Variants in TRDN observed in about 807,000 individuals in gnomAD.
TRDN encodes the protein triadin in skeletal muscle.
In TRDN, 161 loss-of-function variants were observed where a neutral mutation model predicts 149.7. That is an observed-to-expected ratio of 1.08 (90% CI 0.95 to 1.23). The LOEUF is 1.23. TRDN is among the 50% of genes most tolerant of loss of function. The pLI is 0.00. For synonymous variants in TRDN, 294 were observed against 250.5 expected, an observed-to-expected ratio of 1.17 and a Z score of -1.64; for missense variants, 896 against 823.5, an observed-to-expected ratio of 1.09 and a Z score of -1.08.
chr6:123,576,152 A>G (rs1923181), intron 1 of TRDN, among the ~76,000 whole-genome samples: 70,706 of 151,974 alleles, frequency 0.47, 16,566 homozygotes, highest in South Asian at 0.51. Context: ...CACATGAAAA[A>G]GTGACTCTTG....
chr6:123,347,001 A>G (rs536762779), intron 21 of TRDN, among the ~76,000 whole-genome samples: 23 of 151,342 alleles, frequency 1.5e-4, no homozygotes, highest in Non-Finnish European at 2.8e-4. Flanking sequence ...AAAAAAAAAC[A>G]TAAGAATACC....
chr6:123,539,387 T>A (rs1583210828), intron 4 of TRDN, among the ~76,000 whole-genome samples: 2 of 152,186 alleles, frequency 1.3e-5, no homozygotes, highest in Non-Finnish European at 2.9e-5. Context: ...CTAGTCCAGA[T>A]GAAACTCTTG....
At chr6:123,447,917 C>T (rs1010751455) in intron 10 of TRDN, among the ~76,000 whole-genome samples, 1 of 152,128 alleles carries the variant, frequency 6.6e-6, no homozygotes, top group Non-Finnish European at 1.5e-5. Context: ...ACCGAGAGTG[C>T]CCCAACTGTG....
chr6:123,223,586 G>A (rs372659478), intron 39 of TRDN, among the ~76,000 whole-genome samples: 22 of 151,790 alleles, frequency 1.4e-4, no homozygotes, highest in East Asian at 1.2e-3. Flanking sequence ...TATGAAGTTC[G>A]TACATCTGGA....
In TRDN at chr6:123,563,330, G is replaced by A. The variant is rs117294442; in HGVS notation, c.232+7593C>T. On this transcript the variant is annotated intron_variant, in intron 2 of 40. Coordinates refer to ENST00000334268, the MANE Select transcript of TRDN (RefSeq NM_006073.4). ...TGGAGCTAGACCTATGTCAAATAACGGGCACTTTATATTTCAAAGCAAAAT... is the reference window on the plus strand; with the variant it reads ...TGGAGCTAGACCTATGTCAAATAACAGGCACTTTATATTTCAAAGCAAAAT... 3.5e-3 allele frequency among the ~76,000 whole-genome samples: 538 copies of A among 152,184 alleles called. 3 individuals carry two copies. Among genetic ancestry groups the A allele is most frequent in the Non-Finnish European group, 5.8e-3 (397 of 67,986 alleles).
At chr6:123,543,011 A>G (rs921569722) in intron 4 of TRDN, among the ~76,000 whole-genome samples, 1 of 152,070 alleles carries the variant, frequency 6.6e-6, no homozygotes, top group East Asian at 1.9e-4. Context: ...TCACATTTTC[A>G]TATGCTTTCA....
intron 9 of TRDN, among the ~76,000 whole-genome samples, chr6:123,494,280 C>T (rs542803469): frequency 5.3e-5 from 8 of 152,182 alleles, no homozygotes; most frequent in Admixed American, 4.6e-4. Flanking sequence ...TCTCTCTGTG[C>T]GGTCGTTAAC....
At chr6:123,312,002 T>G (rs1428915937) in intron 24 of TRDN, among the ~76,000 whole-genome samples, 1 of 151,944 alleles carries the variant, frequency 6.6e-6, no homozygotes, top group African/African-American at 2.4e-5. Flanking sequence ...TTAATGAAGA[T>G]GAGTACTTCT....
intron 23 of TRDN, among the ~76,000 whole-genome samples, chr6:123,319,467 A>G (rs1157748864): frequency 6.6e-6 from 1 of 152,012 alleles, no homozygotes; most frequent in African/African-American, 2.4e-5. Context: ...AACTATATAT[A>G]TATTTACATA....
At chr6:123,304,229 G>T (rs1273127309) in intron 24 of TRDN, among the ~76,000 whole-genome samples, 1 of 150,088 alleles carries the variant, frequency 6.7e-6, no homozygotes, top group Non-Finnish European at 1.5e-5. Context: ...TTTTGTATAT[G>T]AATATTAATT....
intron 24 of TRDN, among the ~76,000 whole-genome samples, chr6:123,301,305 T>C (rs1210506177): frequency 6.6e-6 from 1 of 152,004 alleles, no homozygotes; most frequent in East Asian, 1.9e-4. Context: ...AAAGGTTAAA[T>C]TGAAGTAAAA....
chr6:123,319,459 CTA>C (rs904182321), intron 23 of TRDN, among the ~76,000 whole-genome samples: 3 of 151,638 alleles, frequency 2.0e-5, no homozygotes, highest in Non-Finnish European at 4.4e-5. Context: ...ATAAAAACAA[CTA>C]TATATATATT....
chr6:123,634,093 T>G (rs142685781), intron 1 of TRDN, among the ~76,000 whole-genome samples: 1 of 151,974 alleles, frequency 6.6e-6, no homozygotes, highest in Non-Finnish European at 1.5e-5. Context: ...ATAGGTGGCA[T>G]AGGTCTACTG....
At chr6:123,238,035 G>A (rs1775853272) in intron 38 of TRDN, among the ~76,000 whole-genome samples, 1 of 152,068 alleles carries the variant, frequency 6.6e-6, no homozygotes, top group Admixed American at 6.6e-5. Context: ...TAGATTATGT[G>A]ACAGAAAAAA....
chr6:123,537,067 T>A (rs567530086), intron 4 of TRDN, among the ~76,000 whole-genome samples: 1 of 152,116 alleles, frequency 6.6e-6, no homozygotes, highest in East Asian at 1.9e-4. Flanking sequence ...TAGATGCTCA[T>A]ACAAAAACTA....
chr6:123,218,947 AATGAGTTAC>A (rs1485789771), intron 40 of TRDN, among the ~76,000 whole-genome samples: 2 of 151,934 alleles, frequency 1.3e-5, no homozygotes, highest in Admixed American at 1.3e-4. Context: ...ATGACAGTTA[AATGAGTTAC>A]ATGAGTTACA....
chr6:123,237,695 T>C (rs932203392), intron 38 of TRDN, among the ~76,000 whole-genome samples: 4 of 152,156 alleles, frequency 2.6e-5, no homozygotes, highest in Non-Finnish European at 5.9e-5. Context: ...TTTTTTGCAG[T>C]GGCATAAAGG....
chr6:123,286,541 G>T (rs1251572788), intron 24 of TRDN, among the ~76,000 whole-genome samples: 1 of 151,946 alleles, frequency 6.6e-6, no homozygotes, highest in African/African-American at 2.4e-5. Context: ...GGAGGGAGTG[G>T]GGTGAGGGAT....
intron 12 of TRDN, among the ~76,000 whole-genome samples, chr6:123,400,207 A>C (rs558583265): frequency 3.0e-4 from 45 of 148,930 alleles, no homozygotes; most frequent in African/African-American, 1.1e-3. Flanking sequence ...ACATACACAT[A>C]TACAAACATA....
Sources: allele counts gnomAD v4.1 joint callset (sites outside exome capture counted in the v4.1 genomes callset), GRCh38; gene constraint gnomAD v4.1.1; transcripts MANE v1.5; gene names NCBI Gene and HGNC (gene_info 2026-07-23, HGNC 2026-07-21).